The following KCNIP4 variants were observed in gnomAD, a reference collection of about 807,000 sequenced individuals.
KCNIP4 encodes the protein potassium voltage-gated channel interacting protein 4.
A neutral mutation model predicts 34.0 loss-of-function variants in KCNIP4; 12 were observed. That is an observed-to-expected ratio of 0.35 (90% CI 0.23 to 0.57). The LOEUF is 0.57. KCNIP4 is among the 20% of genes least tolerant of loss of function. The pLI is 0.83. For synonymous variants in KCNIP4, 124 were observed against 102.2 expected (o/e 1.21, Z -1.29); for missense variants, 238 against 311.7 (o/e 0.76, Z 1.78).
At chr4:20,985,460 AT>A (rs1307651938) in intron 1 of KCNIP4, among the ~76,000 whole-genome samples, 1 of 152,156 alleles carries the variant, frequency 6.6e-6, no homozygotes, top group Non-Finnish European at 1.5e-5. Flanking sequence ...GTTAATTCTA[AT>A]CATTTTAACT....
At chr4:20,999,804 G>C (rs965331624) in intron 1 of KCNIP4, among the ~76,000 whole-genome samples, 2 of 152,082 alleles carry the variant, frequency 1.3e-5, no homozygotes, top group South Asian at 2.1e-4. Context: ...ACCATTTCTA[G>C]TTGAAAATTA....
intron 1 of KCNIP4, among the ~76,000 whole-genome samples, chr4:21,805,741 G>A (rs1721253071): frequency 6.6e-6 from 1 of 152,078 alleles, no homozygotes; most frequent in Admixed American, 6.6e-5. Context: ...AAATGGGAGT[G>A]GAAAATCTCA....
chr4:21,484,489 T>A (rs1731739969), intron 1 of KCNIP4, among the ~76,000 whole-genome samples: 1 of 152,144 alleles, frequency 6.6e-6, no homozygotes, highest in Admixed American at 6.5e-5. Context: ...ACATAACTCA[T>A]TAAATGTATC....
intron 3 of KCNIP4, among the ~76,000 whole-genome samples, chr4:20,789,179 C>T (rs1712399748): frequency 6.6e-6 from 1 of 152,124 alleles, no homozygotes; most frequent in South Asian, 2.1e-4. Flanking sequence ...TTTATTTCTA[C>T]ATGTTAAAAA....
chr4:20,971,339 G>A (rs1423583053), intron 1 of KCNIP4, among the ~76,000 whole-genome samples: 1 of 152,086 alleles, frequency 6.6e-6, no homozygotes, highest in Non-Finnish European at 1.5e-5. Flanking sequence ...TGATTTAAAA[G>A]GACAAGTATA....
At chr4:20,760,170 T>C (rs940169964) in intron 3 of KCNIP4, among the ~76,000 whole-genome samples, 4 of 152,124 alleles carry the variant, frequency 2.6e-5, no homozygotes, top group African/African-American at 9.7e-5. Flanking sequence ...TTAGTCTCTT[T>C]TAGTAGATTC....
intron 1 of KCNIP4, among the ~76,000 whole-genome samples, chr4:21,915,729 T>C (rs1329909375): frequency 6.6e-6 from 1 of 152,240 alleles, no homozygotes; most frequent in East Asian, 1.9e-4. Context: ...AGATTCAAAA[T>C]TGTAGAGACC....
intron 1 of KCNIP4, among the ~76,000 whole-genome samples, chr4:21,053,198 C>T (rs911861297): frequency 6.6e-6 from 1 of 152,118 alleles, no homozygotes; most frequent in African/African-American, 2.4e-5. Flanking sequence ...GCAGTTTCTT[C>T]TCTATTCTCA....
intron 1 of KCNIP4, among the ~76,000 whole-genome samples, chr4:21,334,524 A>C (rs1715975110): frequency 6.6e-6 from 1 of 152,018 alleles, no homozygotes; most frequent in South Asian, 2.1e-4. Context: ...TTGAGGTACA[A>C]TTTGCACATC....
At chr4:21,631,666 G>T (rs1291142084) in intron 1 of KCNIP4, among the ~76,000 whole-genome samples, 2 of 152,118 alleles carry the variant, frequency 1.3e-5, no homozygotes, top group African/African-American at 4.8e-5. Context: ...GGTCAGGCCT[G>T]CCTTTCCTCA....
intron 1 of KCNIP4, among the ~76,000 whole-genome samples, chr4:20,999,438 G>GTTTTTTTTTTTT (rs56952036): frequency 1.0e-3 from 46 of 45,466 alleles, no homozygotes; most frequent in East Asian, 3.1e-3. Flanking sequence ...TTTGTTTTTT[G>GTTTTTTTTTTTT]TTTTTTTTTT....
chr4:21,751,864 T>C (rs1717171465), intron 1 of KCNIP4, among the ~76,000 whole-genome samples: 1 of 152,236 alleles, frequency 6.6e-6, no homozygotes, highest in Non-Finnish European at 1.5e-5. Flanking sequence ...ATTATGTGCA[T>C]AGCCACAATA....
At position 21,694,771 on chromosome 4, in the gene KCNIP4, C is replaced by A. The variant is rs149144563; in HGVS notation, c.61+253800G>T. Among the ~76,000 whole-genome samples the A allele has an allele frequency of 3.7e-3, 561 of 152,010 alleles. 13 individuals carry two copies. Among genetic ancestry groups the A allele is most frequent in the Non-Finnish European group, 3.5e-3 (236 of 67,938 alleles). ...TTGTATCCACAAAAATTTCTTTGCA[C>A]TTCCAATATTCTATGTTTGTATAAA... On this transcript the variant is annotated intron_variant, in intron 1 of 8. Coordinates refer to ENST00000382152, the MANE Select transcript of KCNIP4 (RefSeq NM_025221.6).
chr4:21,556,264 C>T (rs1738997939), intron 1 of KCNIP4, among the ~76,000 whole-genome samples: 1 of 152,020 alleles, frequency 6.6e-6, no homozygotes, highest in Non-Finnish European at 1.5e-5. Context: ...ATGGTTCTGC[C>T]ATTGTATGAT....
At chr4:21,241,839 G>C (rs901111) in intron 1 of KCNIP4, among the ~76,000 whole-genome samples, 13,038 of 152,162 alleles carry the variant, frequency 0.086, 679 homozygotes, top group Admixed American at 0.14. Flanking sequence ...AAAAACTGCA[G>C]TATGCTCGTC....
At chr4:21,098,432 C>A (rs1292067960) in intron 1 of KCNIP4, among the ~76,000 whole-genome samples, 2 of 152,148 alleles carry the variant, frequency 1.3e-5, no homozygotes, top group Non-Finnish European at 2.9e-5. Flanking sequence ...TTGTTAGGGG[C>A]TAATACAGCT....
intron 8 of KCNIP4, chr4:20,731,777 T>C: frequency 2.0e-6 from 2 of 985,364 alleles, no homozygotes; most frequent in Non-Finnish European, 2.4e-6. Context: ...ATGTACAACT[T>C]TTGTATCCCC....
intron 1 of KCNIP4, among the ~76,000 whole-genome samples, chr4:21,690,625 G>C (rs921139649): frequency 6.6e-6 from 1 of 152,100 alleles, no homozygotes; most frequent in Non-Finnish European, 1.5e-5. Flanking sequence ...TGCAATACTT[G>C]TACAGCCTGC....
rs115465578 is a variant in KCNIP4, at chr4:20,922,232, G to T, written c.62-39523C>A. Among the ~76,000 whole-genome samples, 941 of 152,240 alleles carry T rather than the reference G, an allele frequency of 6.2e-3. 17 individuals carry two copies. Among genetic ancestry groups the T allele is most frequent in the African/African-American group, 0.022 (902 of 41,536 alleles). On this transcript the variant is annotated intron_variant, in intron 1 of 8. Coordinates refer to ENST00000382152, the MANE Select transcript of KCNIP4 (RefSeq NM_025221.6). ...GGGTATATCTGTGAGGGTGTTAACT[G>T]GAAGAGATTAGTATTTCTATCAGTA...
Sources: gnomAD v4.1 joint callset for allele counts (sites outside exome capture counted in the v4.1 genomes callset) on GRCh38, gnomAD v4.1.1 for gene constraint, MANE v1.5 for transcripts, NCBI Gene and HGNC (gene_info 2026-07-23, HGNC 2026-07-21) for gene names.